SPATA1: variants seen among roughly 807,000 people sequenced by gnomAD.
SPATA1 encodes the protein spermatogenesis associated 1.
SPATA1 carries 57 observed loss-of-function variants against 59.6 expected under a neutral mutation model. That is an observed-to-expected ratio of 0.96 (90% CI 0.77 to 1.19). The LOEUF (loss-of-function observed/expected upper bound fraction) is 1.19. Ranked by LOEUF, SPATA1 falls within the 50% of genes most tolerant of loss-of-function variation. The probability of loss-of-function intolerance (pLI) is 0.00; values close to 1 mark genes in which losing one functional copy is unlikely to be tolerated. For synonymous variants in SPATA1, 147 were observed against 163.9 expected (o/e 0.90, Z 0.79); for missense variants, 448 against 480.7 (o/e 0.93, Z 0.64).
At chr1:84,545,794 G>A in intron 10 of SPATA1, 35 bp downstream of exon 10, 1 of 1,372,976 alleles carries the variant, frequency 7.3e-7, no homozygotes, top group Non-Finnish European at 9.5e-7. Context: ...TCACTATAAA[G>A]AAAACTTAAG....
chr1:84,563,255 A>G, intron 4 of SPATA1: 2 of 1,495,372 alleles, frequency 1.3e-6, no homozygotes, highest in Non-Finnish European at 1.8e-6. Flanking sequence ...GAAAAGTCTT[A>G]CTTTATAGTT....
At chr1:84,524,929 T>C (rs998072721) in intron 4 of SPATA1, among the ~76,000 whole-genome samples, 1 of 152,186 alleles carries the variant, frequency 6.6e-6, no homozygotes, top group Non-Finnish European at 1.5e-5. Flanking sequence ...CCATACCATG[T>C]AGAACACTGC....
chr1:84,550,566 A>G, intron 12 of SPATA1, 36 bp downstream of exon 12: 1 of 1,463,866 alleles, frequency 6.8e-7, no homozygotes, highest in East Asian at 2.6e-5. Context: ...TTATTATAAC[A>G]TTTATCTTGA....
rs184656651 is a variant in SPATA1 at position 84,524,948 on chromosome 1, T to G, written c.262-748T>G. Among the ~76,000 whole-genome samples the G allele has an allele frequency of 8.5e-5, 13 of 152,186 alleles. No individual in the cohort carries two copies. In the East Asian group the frequency reaches 2.5e-3, roughly 29 times the overall value. On this transcript the variant is annotated intron_variant, in intron 4 of 12. Transcript: ENST00000490879. ...ACCATGTAGAACACTGCCTGACAGA[T>G]AGTATGCCCTCAGTATTTGTGTTTT...
intron 1 of SPATA1, among the ~76,000 whole-genome samples, chr1:84,509,963 A>G (rs1271593219): frequency 6.6e-6 from 1 of 152,168 alleles, no homozygotes; most frequent in African/African-American, 2.4e-5. Context: ...TGAAGCAGGT[A>G]GATTTCTCGA....
In SPATA1 at chr1:84,551,248, T is replaced by C. The variant is rs182905910; in HGVS notation, c.1224+718T>C. On this transcript the variant is annotated intron_variant, in intron 12 of 12. Transcript: ENST00000490879. ...ACGATAATTATATGAATGCTCTCAT[T>C]TCTTTATCAGAAACAGCTTTATGAC... is the stretch of plus-strand genomic sequence containing the variant. The C allele has an allele frequency of 4.6e-5, 45 of 985,022 alleles. No individual in the cohort carries two copies. The African/African-American group carries it at 7.7e-4, about 17-fold the overall frequency. The allele number at this position is 985,022 out of a possible 1,614,324, so 61.0% of individuals were successfully genotyped here. A position where few individuals can be genotyped will look rare whatever the true frequency, so the allele number is the denominator to read the frequency against.
Position 84,540,383 on chromosome 1 carries a change from C to T in SPATA1, c.718-3819C>T, listed in dbSNP as rs147945025. Among the ~76,000 whole-genome samples, 30 of 151,684 alleles carry T rather than the reference C, an allele frequency of 2.0e-4. No individual in the cohort carries two copies. The East Asian group carries it at 3.3e-3, about 17-fold the overall frequency. On this transcript the variant is annotated intron_variant, in intron 8 of 12. Coordinates refer to ENST00000490879, the Ensembl canonical transcript of SPATA1. ...AATACACTTAAGCTAGTATTTTCGG[C>T]CCCTCTTTTTTCCTTTTTTAAAAAT...
intron 6 of SPATA1, among the ~76,000 whole-genome samples, chr1:84,526,422 C>T (rs1222667403): frequency 5.3e-5 from 8 of 151,818 alleles, no homozygotes; most frequent in Non-Finnish European, 1.2e-4. Flanking sequence ...TACTCAGAGA[C>T]CAGAGGGATC....
chr1:84,537,813 C>T (rs537622662), intron 8 of SPATA1, among the ~76,000 whole-genome samples: 43 of 152,276 alleles, frequency 2.8e-4, no homozygotes, highest in African/African-American at 9.9e-4. Context: ...GAAGTTTTAG[C>T]TAAATCAGTC....
At position 84,520,625 on chromosome 1, in the gene SPATA1, G is replaced by A. The variant is rs535896304; in HGVS notation, c.77G>A (p.Trp26Ter). 3.8e-6 allele frequency: 6 copies of A among 1,578,180 alleles called. No homozygotes were observed. The highest frequency in any genetic ancestry group is 5.1e-6 in the Non-Finnish European group (6 of 1,165,090). ...GTTTTTTATGTCCCTGAAGGATCAT[G>A]GAACTATAAGCTAAATACCATTTCA... The change falls in exon 3 of 13, where the codon TGG (tryptophan) becomes TAG (stop). Residue 26 changes from tryptophan to a stop codon, truncating the protein, a stop_gained. Coordinates refer to ENST00000490879, the Ensembl canonical transcript of SPATA1. LOFTEE classifies it high-confidence loss of function.
rs578070659 is a variant in SPATA1, at chr1:84,506,415, A to T, written c.-141A>T. 104 of 204,970 alleles carry T rather than the reference A, an allele frequency of 5.1e-4. 4 individuals are homozygous for T. The highest frequency in any genetic ancestry group is 2.2e-3 in the African/African-American group (94 of 43,110). 12.7% of individuals were successfully genotyped at this position (204,970 alleles called of 1,614,324 possible). A position where few individuals can be genotyped will look rare whatever the true frequency, so the allele number is the denominator to read the frequency against. On this transcript the variant is annotated 5_prime_UTR_variant, in exon 1 of 13. Transcript: ENST00000490879. Reference sequence around the variant, plus strand: ...TCCTCTCCAGAGGGGCCGATTAGGGAGAGGTAAGGAGAGAGCTTACCGTTA... The same window carrying T: ...TCCTCTCCAGAGGGGCCGATTAGGGTGAGGTAAGGAGAGAGCTTACCGTTA...
downstream of SPATA1, among the ~76,000 whole-genome samples, chr1:84,556,227 A>G (rs1374340169): frequency 1.3e-5 from 2 of 152,188 alleles, no homozygotes; most frequent in Non-Finnish European, 2.9e-5. Flanking sequence ...ACAAAGGAAA[A>G]GGGAAAGGAG....
At chr1:84,546,010 TTA>T (rs1684073936) in intron 10 of SPATA1, among the ~76,000 whole-genome samples, 1 of 152,188 alleles carries the variant, frequency 6.6e-6, no homozygotes, top group Admixed American at 6.5e-5. Flanking sequence ...ATTAACTTGT[TTA>T]TTAATTCTTC....
intron 8 of SPATA1, among the ~76,000 whole-genome samples, chr1:84,538,733 G>T (rs558285744): frequency 6.6e-6 from 1 of 152,304 alleles, no homozygotes; most frequent in African/African-American, 2.4e-5. Flanking sequence ...ACTTAAACAA[G>T]AGAAGGCTTG....
At chr1:84,524,663 A>G (rs183280297) in intron 4 of SPATA1, among the ~76,000 whole-genome samples, 4 of 152,298 alleles carry the variant, frequency 2.6e-5, no homozygotes, top group Non-Finnish European at 1.5e-5. Context: ...GCACTTGCCT[A>G]GAAATCACTT....
chr1:84,543,904 A>G (rs562278857), intron 8 of SPATA1, among the ~76,000 whole-genome samples: 1 of 152,366 alleles, frequency 6.6e-6, no homozygotes, highest in South Asian at 2.1e-4. Flanking sequence ...AAAATATTTA[A>G]AGTTATCATA....
At position 84,563,292 on chromosome 1, in the gene SPATA1, C is replaced by A. The variant is rs1684628554; in HGVS notation, n.443-2569C>A. ...TAATAAGGAGCCCGCTGATCTTTAT[C>A]CCATAGGTTTCCAGAAATAGAACTA... On this transcript the variant is annotated intron_variant and non_coding_transcript_variant, in intron 4 of 4. Coordinates refer to the SPATA1 transcript ENST00000460286. The A allele has an allele frequency of 3.8e-6, 6 of 1,583,766 alleles. No individual in the cohort carries two copies. In the East Asian group the frequency reaches 1.2e-4, roughly 31 times the overall value.
At chr1:84,561,215 A>T (rs571182668) in intron 4 of SPATA1, among the ~76,000 whole-genome samples, 1 of 152,234 alleles carries the variant, frequency 6.6e-6, no homozygotes, top group African/African-American at 2.4e-5. Context: ...CATTAACAGG[A>T]GTTTGGAAGA....
chr1:84,563,725 C>G lies in SPATA1; in HGVS notation n.443-2136C>G, dbSNP rs372080257. 2.5e-5 allele frequency: 38 copies of G among 1,491,176 alleles called. No individual in the cohort carries two copies. In the African/African-American group the frequency reaches 4.8e-4, roughly 19 times the overall value. The allele number at this position is 1,491,176 out of a possible 1,614,324, so 92.4% of individuals were successfully genotyped here. ...ATAATAAAAATTATGTAACAAATGA[C>G]TGTTCCTACCTCAGACAGATTCAGG... On this transcript the variant is annotated intron_variant and non_coding_transcript_variant, in intron 4 of 4. Transcript: ENST00000460286.
Sources: allele counts gnomAD v4.1 joint callset (sites outside exome capture counted in the v4.1 genomes callset), GRCh38; gene constraint gnomAD v4.1.1; transcripts MANE v1.5; gene names NCBI Gene and HGNC (gene_info 2026-07-23, HGNC 2026-07-21).